The following PRKAR1A variants were observed in gnomAD, a reference collection of about 807,000 sequenced individuals.
The protein encoded by PRKAR1A is cAMP-dependent protein kinase type I-alpha regulatory subunit.
A neutral mutation model predicts 52.0 loss-of-function variants in PRKAR1A; 3 were observed. The observed-to-expected ratio is 0.06, with a 90% CI of 0.03 to 0.15. The LOEUF is 0.15. Among genes scored for constraint, PRKAR1A ranks in the 10% least tolerant of loss-of-function variants. The pLI is 1.00. For missense variants in PRKAR1A, 240 were observed against 477.4 expected, an observed-to-expected ratio of 0.50 and a Z score of 4.63; for synonymous variants, 188 against 168.4, an observed-to-expected ratio of 1.12 and a Z score of -0.90.
chr17:68,523,134 C>G (rs1969594053), intron 3 of PRKAR1A, among the ~76,000 whole-genome samples: 2 of 152,066 alleles, frequency 1.3e-5, no homozygotes, highest in African/African-American at 4.8e-5. Flanking sequence ...TGAATAATTG[C>G]ATTTTGGGGT....
chr17:68,540,609 G>C (rs143450080), intron 11 of PRKAR1A: 1 of 609,804 alleles, frequency 1.6e-6, no homozygotes, highest in Non-Finnish European at 3.1e-6. Context: ...ACTCAGGCCC[G>C]TGGCAGGGTG....
At chr17:68,548,723 A>ATTTTTTT (rs200833117) in intron 11 of PRKAR1A, among the ~76,000 whole-genome samples, 5 of 117,942 alleles carry the variant, frequency 4.2e-5, no homozygotes, top group Non-Finnish European at 8.4e-5. Context: ...CTATGCCTGT[A>ATTTTTTT]TATTTTTTTT....
At chr17:68,457,156 G>A in the PRKAR1A span, among the ~76,000 whole-genome samples, 1 of 152,094 alleles carries the variant, frequency 6.6e-6, no homozygotes, top group African/African-American at 2.4e-5. Flanking sequence ...GGGGTGGGGT[G>A]GGGGGTGCGG....
chr17:68,466,059 C>T, the PRKAR1A span, among the ~76,000 whole-genome samples: 1 of 152,092 alleles, frequency 6.6e-6, no homozygotes, highest in African/African-American at 2.4e-5. Flanking sequence ...TTGGGTTTCC[C>T]CTGACCTTAC....
the PRKAR1A span, among the ~76,000 whole-genome samples, chr17:68,472,325 C>T: frequency 1.3e-5 from 2 of 152,138 alleles, no homozygotes; most frequent in Non-Finnish European, 2.9e-5. Flanking sequence ...AGAAGTCCTC[C>T]CCACACTACC....
At chr17:68,489,188 A>ATATATATATATATATATGGAAAG in the PRKAR1A span, among the ~76,000 whole-genome samples, 2 of 14,610 alleles carry the variant, frequency 1.4e-4, no homozygotes, top group East Asian at 9.4e-3. Flanking sequence ...CTTGGAAAGT[A>ATATATATATATATATATGGAAAG]TATATATATA....
Position 68,531,196 on chromosome 17 carries a change from CT to C in PRKAR1A, c.*748del. 9.4e-7 allele frequency: 1 copy of C among 1,065,934 alleles called. No homozygotes were observed. The highest frequency in any genetic ancestry group is 1.1e-6 in the Non-Finnish European group (1 of 879,242). The allele number at this position is 1,065,934 out of a possible 1,614,324, so 66.0% of individuals were successfully genotyped here. A position where few individuals can be genotyped will look rare whatever the true frequency, so the allele number is the denominator to read the frequency against. On this transcript the variant is annotated 3_prime_UTR_variant, in exon 11 of 11. Transcript: ENST00000589228. ...ATTGCAAATATTGGTTAGTATTTAACTACATCTGCCTCGGCTCACAAATTCC... is the reference window on the plus strand; with the variant it reads ...ATTGCAAATATTGGTTAGTATTTAACACATCTGCCTCGGCTCACAAATTCC...
the PRKAR1A span, among the ~76,000 whole-genome samples, chr17:68,473,570 T>C: frequency 6.6e-6 from 1 of 152,198 alleles, no homozygotes; most frequent in African/African-American, 2.4e-5. Context: ...TCGCCCAGGC[T>C]GGAGTGCAGT....
chr17:68,489,477 G>A, the PRKAR1A span, among the ~76,000 whole-genome samples: 238 of 131,488 alleles, frequency 1.8e-3, no homozygotes, highest in African/African-American at 6.4e-3. Context: ...ATATATATAT[G>A]GAAAGTATAT....
chr17:68,542,663 A>G (rs776260344), intron 11 of PRKAR1A: 57 of 1,548,462 alleles, frequency 3.7e-5, no homozygotes, highest in Non-Finnish European at 4.9e-5. Flanking sequence ...ATCTACTCAG[A>G]CCCGGAATAT....
the PRKAR1A span, among the ~76,000 whole-genome samples, chr17:68,456,674 G>C: frequency 6.6e-6 from 1 of 152,202 alleles, no homozygotes; most frequent in Non-Finnish European, 1.5e-5. Flanking sequence ...GTCTGCGCCC[G>C]GGAAAAGAGT....
At chr17:68,526,537 A>G (rs1016803375) in intron 7 of PRKAR1A, among the ~76,000 whole-genome samples, 2 of 152,226 alleles carry the variant, frequency 1.3e-5, no homozygotes, top group African/African-American at 4.8e-5. Flanking sequence ...TTGAAAATGT[A>G]CAGCCTGATG....
the PRKAR1A span, among the ~76,000 whole-genome samples, chr17:68,486,494 CTTCCTTCCTTCCTTCT>C: frequency 0.02 from 1,288 of 64,912 alleles, 5 homozygotes; most frequent in Non-Finnish European, 0.021. Context: ...TCCTTCCTTC[CTTCCTTCCTTCCTTCT>C]TTCTTTCTTT....
chr17:68,462,875 G>C, the PRKAR1A span, among the ~76,000 whole-genome samples: 229 of 152,306 alleles, frequency 1.5e-3, 1 homozygote, highest in African/African-American at 5.2e-3. Context: ...GAGTCCTGCA[G>C]CTCTTCAAAG....
the PRKAR1A span, among the ~76,000 whole-genome samples, chr17:68,492,246 C>A: frequency 6.6e-6 from 1 of 152,120 alleles, no homozygotes. Flanking sequence ...ACAGGCAGTG[C>A]GGGTTCTTGG....
intron 2 of PRKAR1A, among the ~76,000 whole-genome samples, chr17:68,520,830 T>A (rs2085581728): frequency 6.6e-6 from 1 of 152,206 alleles, no homozygotes; most frequent in African/African-American, 2.4e-5. Flanking sequence ...CCAAGTGAAA[T>A]GTTATTTGTG....
At position 68,531,805 on chromosome 17, in the gene PRKAR1A, A is replaced by G; in HGVS notation, c.*1356A>G. The G allele has an allele frequency of 3.9e-6, 4 of 1,032,880 alleles. No homozygotes were observed. The highest frequency in any genetic ancestry group is 4.7e-6 in the Non-Finnish European group (4 of 849,438). 64.0% of individuals were successfully genotyped at this position (1,032,880 alleles called of 1,614,324 possible). On this transcript the variant is annotated 3_prime_UTR_variant, in exon 11 of 11. Transcript: ENST00000589228. ...TGTTACATTATTCCAATGATACCCA[A>G]CAGTTTATTTTTATTATTTTTTTAA...
At chr17:68,420,020 GGAGCAAATA>G in the PRKAR1A span, among the ~76,000 whole-genome samples, 1 of 152,060 alleles carries the variant, frequency 6.6e-6, no homozygotes, top group Non-Finnish European at 1.5e-5. Context: ...ATCACTGGAA[GGAGCAAATA>G]GATTCTCAAG....
chr17:68,416,193 G>A, the PRKAR1A span, among the ~76,000 whole-genome samples: 1 of 152,134 alleles, frequency 6.6e-6, no homozygotes, highest in African/African-American at 2.4e-5. Flanking sequence ...AAGATTTAGA[G>A]CTCCTTTTAG....
Sources: gnomAD v4.1 joint callset for allele counts (sites outside exome capture counted in the v4.1 genomes callset) on GRCh38, gnomAD v4.1.1 for gene constraint, MANE v1.5 for transcripts, NCBI Gene and HGNC (gene_info 2026-07-23, HGNC 2026-07-21) for gene names.